Variants in ZFX observed in about 807,000 individuals in gnomAD.
ZFX encodes the protein zinc finger X-chromosomal protein.
For synonymous variants in ZFX, 196 were observed against 226.8 expected, an observed-to-expected ratio of 0.86 and a Z score of 1.22; for missense variants, 362 against 628.3, an observed-to-expected ratio of 0.58 and a Z score of 4.53.
At chrX:24,195,648 C>A (rs1365581149) in intron 5 of ZFX, among the ~76,000 whole-genome samples, 1 of 111,952 alleles carries the variant, frequency 8.9e-6, no homozygotes, top group Non-Finnish European at 1.9e-5. Flanking sequence ...AGCCACCATG[C>A]CCGGCGTGCC....
At chrX:24,182,531 C>T (rs986111852) in intron 5 of ZFX, among the ~76,000 whole-genome samples, 4 of 111,331 alleles carry the variant, frequency 3.6e-5, no homozygotes, top group African/African-American at 1.3e-4. Context: ...TTTTGTTTGG[C>T]ATTTAGGAGG....
At position 24,193,255 on chromosome X, in the gene ZFX, A is replaced by G. The variant is rs143500293; in HGVS notation, c.646+13485A>G. On this transcript the variant is annotated intron_variant, in intron 5 of 9. Coordinates refer to ENST00000304543, the MANE Select transcript of ZFX (RefSeq NM_003410.4). Reference sequence around the variant, plus strand: ...CCATACAATGGGATATCATTCAGTCATAAAAAGGAATTAAGTTTTGTTGAA... The same window carrying G: ...CCATACAATGGGATATCATTCAGTCGTAAAAAGGAATTAAGTTTTGTTGAA... Among the ~76,000 whole-genome samples the G allele has an allele frequency of 5.3e-3, 598 of 112,667 alleles. 4 individuals carry two copies. Among genetic ancestry groups the G allele is most frequent in the African/African-American group, 0.017 (542 of 31,036 alleles).
At chrX:24,207,192 G>A (rs1436167071) in intron 5 of ZFX, 134 bp from the exon 6 acceptor site, 5 of 601,737 alleles carry the variant, frequency 8.3e-6, no homozygotes, top group Middle Eastern at 5.6e-4. Context: ...AGCTGAGATC[G>A]CGCCACTGCA....
At chrX:24,188,513 A>T (rs1190087457) in intron 5 of ZFX, among the ~76,000 whole-genome samples, 1 of 111,393 alleles carries the variant, frequency 9.0e-6, no homozygotes, top group East Asian at 2.8e-4. Flanking sequence ...GTGAGACATC[A>T]TTGAGTGTTC....
At chrX:24,192,828 A>AG (rs1936629097) in intron 5 of ZFX, among the ~76,000 whole-genome samples, 2 of 108,001 alleles carry the variant, frequency 1.9e-5, no homozygotes, top group Admixed American at 1.0e-4. Context: ...CCAGAAGGTC[A>AG]GGGCCACAGT....
intron 5 of ZFX, among the ~76,000 whole-genome samples, chrX:24,194,214 A>G (rs1294936822): frequency 9.0e-6 from 1 of 111,649 alleles, no homozygotes; most frequent in East Asian, 2.8e-4. Flanking sequence ...TCCAGTGAAA[A>G]ACTATTTTAA....
intron 3 of ZFX, among the ~76,000 whole-genome samples, chrX:24,166,108 T>C (rs766915996): frequency 3.6e-5 from 4 of 112,630 alleles, no homozygotes; most frequent in African/African-American, 1.3e-4. Flanking sequence ...AACTAGTGTT[T>C]GTAGCTCATT....
chrX:24,203,526 A>T (rs765073074), intron 5 of ZFX, among the ~76,000 whole-genome samples: 1 of 111,960 alleles, frequency 8.9e-6, no homozygotes, highest in South Asian at 3.7e-4. Context: ...GCTGGACTGG[A>T]TGCTTTGTTT....
intron 4 of ZFX, chrX:24,175,533 A>G (rs778133395): frequency 9.0e-6 from 1 of 110,598 alleles, no homozygotes; most frequent in South Asian, 3.9e-4. Context: ...CACAAAACTA[A>G]TAAGTGTCCT....
intron 5 of ZFX, among the ~76,000 whole-genome samples, chrX:24,194,232 A>C (rs959021613): frequency 3.6e-5 from 4 of 111,455 alleles, no homozygotes; most frequent in African/African-American, 1.3e-4. Context: ...TAAAGCAGTA[A>C]TCCTTTGCCT....
intron 9 of ZFX, among the ~76,000 whole-genome samples, chrX:24,209,875 C>T (rs766236594): frequency 1.1e-4 from 12 of 111,880 alleles, no homozygotes; most frequent in South Asian, 7.6e-4. Context: ...GCCACCGTGC[C>T]CAGCCAATTT....
chrX:24,183,408 A>G (rs1182869740), intron 5 of ZFX, among the ~76,000 whole-genome samples: 1 of 109,297 alleles, frequency 9.1e-6, no homozygotes. Context: ...CTGGTCTTGA[A>G]CTCCTGACCT....
In ZFX at chrX:24,151,766, G is replaced by T. The variant is rs1375926764; in HGVS notation, c.-174G>T. The stretch of plus-strand genomic sequence containing the variant: ...TTCTCCCGCCTCCCACTGCCCGCCT[G>T]TCACTGCCGTCTGTTCCCTGAGCTG... On this transcript the variant is annotated 5_prime_UTR_variant, in exon 2 of 10. Coordinates refer to ENST00000304543, the MANE Select transcript of ZFX (RefSeq NM_003410.4). 2 of 111,883 alleles carry T rather than the reference G, an allele frequency of 1.8e-5. No individual in the cohort carries two copies. The allele number at this position is 111,883 out of a possible 1,213,427, so 9.2% of individuals were successfully genotyped here.
chrX:24,179,821 T>C (rs1935512018), intron 5 of ZFX, 51 bp downstream of exon 5: 1 of 1,082,799 alleles, frequency 9.2e-7, no homozygotes, highest in South Asian at 2.1e-5. Context: ...AGGCTGCCTC[T>C]TCTAATTTAC....
chrX:24,165,581 A>G (rs1462342115), intron 3 of ZFX, among the ~76,000 whole-genome samples: 1 of 112,632 alleles, frequency 8.9e-6, no homozygotes, highest in African/African-American at 3.2e-5. Flanking sequence ...GTATAAGAAA[A>G]CAGTTTCTGA....
chrX:24,178,031 A>G (rs1423349123), intron 4 of ZFX, among the ~76,000 whole-genome samples: 1 of 107,713 alleles, frequency 9.3e-6, no homozygotes, highest in East Asian at 2.9e-4. Flanking sequence ...TCACGGGTTC[A>G]CGCCATTCTC....
At chrX:24,196,028 T>G (rs760923354) in intron 5 of ZFX, among the ~76,000 whole-genome samples, 2 of 112,293 alleles carry the variant, frequency 1.8e-5, no homozygotes, top group East Asian at 5.5e-4. Flanking sequence ...AAGATGAGGA[T>G]ATCAGTGCCT....
At chrX:24,180,565 TAG>T (rs973473962) in intron 5 of ZFX, among the ~76,000 whole-genome samples, 4 of 110,537 alleles carry the variant, frequency 3.6e-5, no homozygotes, top group African/African-American at 6.6e-5. Context: ...GTATTTTTAG[TAG>T]AGAGGGGGTT....
chrX:24,159,911 G>C (rs973772503), intron 3 of ZFX, among the ~76,000 whole-genome samples: 6 of 111,708 alleles, frequency 5.4e-5, no homozygotes, highest in African/African-American at 1.9e-4. Flanking sequence ...TGTTTTAGCT[G>C]TTCTTGAGTT....
Sources: allele counts gnomAD v4.1 joint callset (sites outside exome capture counted in the v4.1 genomes callset), GRCh38; gene constraint gnomAD v4.1.1; transcripts MANE v1.5; gene names NCBI Gene and HGNC (gene_info 2026-07-23, HGNC 2026-07-21).